The following SCGB2B2 variants were observed in gnomAD, a reference collection of about 807,000 sequenced individuals.
SCGB2B2 encodes the protein secretoglobin family 2B member 2, also known as secretoglobin-like protein.
Under a neutral mutation model 7.6 loss-of-function variants are expected in SCGB2B2, and 11 were observed. The ratio of observed to expected loss-of-function variants is 1.45; its 90% confidence interval spans 0.91 to 2.40. The LOEUF (loss-of-function observed/expected upper bound fraction) is 2.40, where lower values mean the gene tolerates loss of function less well. Among genes scored for constraint, SCGB2B2 ranks in the 30% most tolerant of loss-of-function variants. The probability of loss-of-function intolerance (pLI) is 0.00; values close to 1 mark genes in which losing one functional copy is unlikely to be tolerated. For synonymous variants in SCGB2B2, 50 were observed against 48.6 expected, an observed-to-expected ratio of 1.03 and a Z score of -0.12; for missense variants, 104 against 115.4, an observed-to-expected ratio of 0.90 and a Z score of 0.45.
chr19:34,673,892 T>C (rs1324194016), intron 1 of SCGB2B2, among the ~76,000 whole-genome samples: 1 of 152,198 alleles, frequency 6.6e-6, no homozygotes, highest in African/African-American at 2.4e-5. Flanking sequence ...TAAAATGGCA[T>C]CCTCTGGCTC....
intron 1 of SCGB2B2, among the ~76,000 whole-genome samples, chr19:34,662,956 AAAC>A (rs376909887): frequency 0.01 from 1,493 of 147,372 alleles, 26 homozygotes; most frequent in African/African-American, 0.037. Flanking sequence ...ACAAACAAAC[AAAC>A]AAAAAAAAAC....
chr19:34,629,240 A>T (rs1600055612), intron 1 of SCGB2B2, among the ~76,000 whole-genome samples: 1 of 151,958 alleles, frequency 6.6e-6, no homozygotes, highest in Non-Finnish European at 1.5e-5. Context: ...CACCACCCCT[A>T]TTCAACATAG....
intron 1 of SCGB2B2, among the ~76,000 whole-genome samples, chr19:34,639,362 C>T (rs1352430049): frequency 1.3e-5 from 2 of 152,204 alleles, no homozygotes; most frequent in Admixed American, 6.5e-5. Context: ...AAACAATATC[C>T]TAACCTTTCC....
Position 34,676,905 on chromosome 19 carries a change from G to C in SCGB2B2, c.-3307C>G, listed in dbSNP as rs1409763666. Reference sequence around the variant, plus strand: ...GGTGGGCCTAAGAAGCACTTCTGGGGAGAGGGGGCGTCAGGCTGTGATGGC... The same window carrying C: ...GGTGGGCCTAAGAAGCACTTCTGGGCAGAGGGGGCGTCAGGCTGTGATGGC... On this transcript the variant is annotated 5_prime_UTR_variant, in exon 1 of 4. Coordinates refer to ENST00000601241, the MANE Select transcript of SCGB2B2 (RefSeq NM_001025591.4). 1 of 152,198 alleles carries C rather than the reference G, an allele frequency of 6.6e-6. No individual in the cohort carries two copies. The highest frequency in any genetic ancestry group is 1.5e-5 in the Non-Finnish European group (1 of 68,072). 9.4% of individuals were successfully genotyped at this position (152,198 alleles called of 1,614,324 possible). A position where few individuals can be genotyped will look rare whatever the true frequency, so the allele number is the denominator to read the frequency against.
intron 1 of SCGB2B2, among the ~76,000 whole-genome samples, chr19:34,620,010 T>C (rs988210982): frequency 2.0e-5 from 3 of 152,116 alleles, no homozygotes; most frequent in African/African-American, 7.2e-5. Flanking sequence ...ATTATTCTTT[T>C]TTAAAAAAAA....
intron 1 of SCGB2B2, among the ~76,000 whole-genome samples, chr19:34,603,858 T>C (rs1216302943): frequency 1.4e-5 from 2 of 147,722 alleles, no homozygotes; most frequent in African/African-American, 4.9e-5. Context: ...GTGCAGGGGC[T>C]ATTCACAGGT....
chr19:34,606,886 G>T (rs2065795888), intron 1 of SCGB2B2, among the ~76,000 whole-genome samples: 1 of 151,964 alleles, frequency 6.6e-6, no homozygotes, highest in African/African-American at 2.4e-5. Context: ...TTTCACGGGG[G>T]ATTGTGGAAT....
intron 1 of SCGB2B2, among the ~76,000 whole-genome samples, chr19:34,651,637 C>G (rs1158550464): frequency 1.3e-5 from 2 of 150,886 alleles, no homozygotes; most frequent in East Asian, 3.9e-4. Flanking sequence ...AAGAAGACAC[C>G]AAAAAATGAA....
At chr19:34,636,384 A>C (rs910061496) in intron 1 of SCGB2B2, among the ~76,000 whole-genome samples, 6 of 152,150 alleles carry the variant, frequency 3.9e-5, no homozygotes, top group African/African-American at 1.4e-4. Context: ...CAGCGATGGG[A>C]TGCAGCCCAG....
chr19:34,617,343 T>C (rs1434449070), intron 1 of SCGB2B2, among the ~76,000 whole-genome samples: 1 of 151,486 alleles, frequency 6.6e-6, no homozygotes, highest in East Asian at 1.9e-4. Flanking sequence ...CATTTGTTTG[T>C]ATCCTCTTTT....
At chr19:34,632,412 A>G (rs566617651) in intron 1 of SCGB2B2, among the ~76,000 whole-genome samples, 19 of 152,358 alleles carry the variant, frequency 1.2e-4, no homozygotes, top group Admixed American at 3.3e-4. Context: ...TCAAAACTCA[A>G]TAATAAAGAA....
chr19:34,637,144 A>T lies in SCGB2B2; in HGVS notation c.-2032+38486T>A, dbSNP rs143632734. ...CATGAGGAAATGCCACCAGGAGGGA[A>T]GGGGGCAGAATTGGGGGCAGAGAGG... On this transcript the variant is annotated intron_variant, in intron 1 of 3. Coordinates refer to ENST00000601241, the MANE Select transcript of SCGB2B2 (RefSeq NM_001025591.4). 1.4e-3 allele frequency among the ~76,000 whole-genome samples: 207 copies of T among 152,286 alleles called. 1 individual carries two copies. The highest frequency in any genetic ancestry group is 4.5e-3 in the African/African-American group (189 of 41,564).
rs1023441006 is a variant in SCGB2B2 at position 34,604,627 on chromosome 19, T to C, written c.-2031-8033A>G. 2.0e-5 allele frequency among the ~76,000 whole-genome samples: 3 copies of C among 152,242 alleles called. No homozygotes were observed. The East Asian group carries it at 5.8e-4, about 29-fold the overall frequency. On this transcript the variant is annotated intron_variant, in intron 1 of 3. Coordinates refer to ENST00000601241, the MANE Select transcript of SCGB2B2 (RefSeq NM_001025591.4). ...TTACTTTCTATAGATATGAAGAGTTTGTAATCTTTTATTGATTTTTATGAA... is the reference window on the plus strand; with the variant it reads ...TTACTTTCTATAGATATGAAGAGTTCGTAATCTTTTATTGATTTTTATGAA...
rs1410278630 is a variant in SCGB2B2, at chr19:34,593,567, T to C, written c.279A>G (p.Glu93=). 1.3e-6 allele frequency: 2 copies of C among 1,553,774 alleles called. No homozygotes were observed. The highest frequency in any genetic ancestry group is 1.7e-6 in the Non-Finnish European group (2 of 1,148,092). ...AGGGGTCCTCAGATCAGAAGGCTGC[T>C]TCTATGCAATCGTTGCTCTGAAGGA... ...KKILQSNDCI[E]AAF is the part of the protein sequence containing the mutation. Residue 93 remains glutamate (E), a synonymous_variant, in exon 4 of 4, where the codon GAA becomes GAG. Transcript: ENST00000601241.
intron 1 of SCGB2B2, among the ~76,000 whole-genome samples, chr19:34,642,595 A>C (rs1256237937): frequency 6.6e-6 from 1 of 151,740 alleles, no homozygotes; most frequent in Non-Finnish European, 1.5e-5. Flanking sequence ...GGGTCCTTGT[A>C]ATCCCAGCTA....
At chr19:34,666,664 A>T (rs567239398) in intron 1 of SCGB2B2, among the ~76,000 whole-genome samples, 1 of 152,160 alleles carries the variant, frequency 6.6e-6, no homozygotes, top group South Asian at 2.1e-4. Flanking sequence ...CATCTCCCCA[A>T]ATGCCAGAGG....
At position 34,591,711 on chromosome 19, in the gene SCGB2B2, G is replaced by A. The variant is rs529107928; in HGVS notation, c.*1844C>T. On this transcript the variant is annotated 3_prime_UTR_variant, in exon 4 of 4. Coordinates refer to ENST00000601241, the MANE Select transcript of SCGB2B2 (RefSeq NM_001025591.4). ...ACAACAAATCCTTTCTCATCATGCC[G>A]CATTCCCTGCCCCAGACCTTCACCT... Among the ~76,000 whole-genome samples, 12 of 152,234 alleles carry A rather than the reference G, an allele frequency of 7.9e-5. 1 individual carries two copies. Among genetic ancestry groups the A allele is most frequent in the East Asian group, 7.7e-4 (4 of 5,190 alleles).
intron 1 of SCGB2B2, chr19:34,640,389 G>C (rs1408905760): frequency 6.6e-6 from 1 of 151,552 alleles, no homozygotes; most frequent in Non-Finnish European, 1.5e-5. Context: ...GGGATTACAG[G>C]TGTGAGCCCC....
At chr19:34,605,184 C>A (rs1421022869) in intron 1 of SCGB2B2, among the ~76,000 whole-genome samples, 1 of 152,186 alleles carries the variant, frequency 6.6e-6, no homozygotes, top group Non-Finnish European at 1.5e-5. Context: ...CTTTTGGCTT[C>A]ATTGGTCTTG....
Sources: gnomAD v4.1 joint callset for allele counts (sites outside exome capture counted in the v4.1 genomes callset) on GRCh38, gnomAD v4.1.1 for gene constraint, MANE v1.5 for transcripts, NCBI Gene and HGNC (gene_info 2026-07-23, HGNC 2026-07-21) for gene names.